KMT2D: variants seen among roughly 807,000 people sequenced by gnomAD.
The protein encoded by KMT2D is lysine methyltransferase 2D.
In KMT2D, 55 loss-of-function variants were observed where a neutral mutation model predicts 512.7. The ratio of observed to expected loss-of-function variants is 0.11; its 90% CI spans 0.09 to 0.13. KMT2D has a LOEUF of 0.13. Among genes scored for constraint, KMT2D ranks in the 10% least tolerant of loss-of-function variants. KMT2D has a pLI of 1.00. For synonymous variants in KMT2D, 2,995 were observed against 2,904.0 expected (o/e 1.03, Z -1.01); for missense variants, 6,061 against 7,127.9 (o/e 0.85, Z 5.39).
In KMT2D at chr12:49,038,162, A is replaced by G. The variant is rs1381757467; in HGVS notation, c.9194T>C (p.Ile3065Thr). The G allele has an allele frequency of 6.2e-7, 1 of 1,613,756 alleles. No homozygotes were observed. The highest frequency in any genetic ancestry group is 8.5e-7 in the Non-Finnish European group (1 of 1,179,892). ...PELDTGDKKD[I>T]FNEHLRLVES... is the part of the protein sequence containing the mutation. ...TACCAGCCTCAGGTGCTCATTGAAG[A>G]TATCCTTCTTGTCCCCAGTGTCCAG... is the stretch of plus-strand genomic sequence containing the variant. Residue 3065 changes from isoleucine to threonine, a missense_variant, in exon 35 of 55, where the codon ATC becomes ACC. By Grantham distance (89) the Ile-to-Thr change is moderately conservative. This residue lies in a region of KMT2D where 21 missense variants were observed against 74.3 expected (regional missense o/e 0.28). Coordinates refer to ENST00000301067, the MANE Select transcript of KMT2D (RefSeq NM_003482.4). This position sits in a 1 kb window ranked among gnomAD's most constrained non-coding sequence, Gnocchi z 5.7.
rs762896655 is a variant in KMT2D at position 49,026,744 on chromosome 12, G to A, written c.15222C>T (p.Gly5074=). The A allele has an allele frequency of 8.1e-5, 131 of 1,613,706 alleles. No individual in the cohort carries two copies. Among genetic ancestry groups the A allele is most frequent in the African/African-American group, 1.2e-4 (9 of 75,052 alleles). Residue 5074 remains glycine, a synonymous_variant, in exon 49 of 55, where the codon GGC becomes GGT. Coordinates refer to ENST00000301067, the MANE Select transcript of KMT2D (RefSeq NM_003482.4). This position sits in a 1 kb window ranked among gnomAD's most constrained non-coding sequence, Gnocchi z 9.6. ...LWSTEVYETQ[G]GALMNVEVAL... is the part of the protein sequence containing the mutation. ...CAACCTCCACATTCATCAGTGCCCC[G>A]CCCTGGGTCTCATACACCTCCGTGG...
At position 49,031,849 on chromosome 12, in the gene KMT2D, G is replaced by A. The variant is rs2120425749; in HGVS notation, c.12856C>T (p.Pro4286Ser). 1.3e-6 allele frequency: 2 copies of A among 1,546,988 alleles called. No individual in the cohort carries two copies. The highest frequency in any genetic ancestry group is 1.4e-5 in the African/African-American group (1 of 72,856). ...CCTGGTGGGGCAGGGAGCCGGGGTG[G>A]GCCCTGAGGTCGAGGCCCTGCCCCT... is the stretch of plus-strand genomic sequence containing the variant. ...ELGAGPRPQGPPRLPAPPGAL... is the reference protein window; with the variant it reads ...ELGAGPRPQGSPRLPAPPGAL... The change falls in exon 40 of 55, where the codon CCA becomes TCA. Residue 4286 changes from proline to serine, a missense_variant. Coordinates refer to ENST00000301067, the MANE Select transcript of KMT2D (RefSeq NM_003482.4).
Position 49,051,573 on chromosome 12 carries a change from C to A in KMT2D, c.2110G>T (p.Asp704Tyr), listed in dbSNP as rs761977604. 51 of 1,604,428 alleles carry A rather than the reference C, an allele frequency of 3.2e-5. No homozygotes were observed. The highest frequency in any genetic ancestry group is 4.3e-5 in the Non-Finnish European group (51 of 1,174,002). The change falls in exon 11 of 55, where the codon GAC becomes TAC. Residue 704 changes from aspartate (D) to tyrosine (Y), a missense_variant. Around this residue, in one of 16 missense-constraint regions of KMT2D, gnomAD observed 848 missense variants for 838.5 expected, o/e 1.01. Coordinates refer to ENST00000301067, the MANE Select transcript of KMT2D (RefSeq NM_003482.4). ...EDSPTSPPPE[D>Y]SPASPPPEDS... Reference sequence around the variant, plus strand: ...TCCGGTGGTGGGGAAGCAGGTGAGTCCTCAGGTGGTGGGGATGTGGGGGAG... The same window carrying A: ...TCCGGTGGTGGGGAAGCAGGTGAGTACTCAGGTGGTGGGGATGTGGGGGAG...
chr12:49,043,812 C>T (rs2120573618), intron 23 of KMT2D, 30 bp from the exon 24 acceptor site: 1 of 1,613,232 alleles, frequency 6.2e-7, no homozygotes, highest in Non-Finnish European at 8.5e-7. Context: ...AAACAGTTTT[C>T]TTCATGCCCT....
chr12:49,029,405 C>T lies in KMT2D; in HGVS notation c.14071G>A (p.Val4691Ile), dbSNP rs762462902. The change falls in exon 44 of 55, where the codon GTC becomes ATC. Residue 4691 changes from valine (V) to isoleucine (I), a missense_variant. This residue lies in a region of KMT2D where 1,600 missense variants were observed against 1,754.9 expected (regional missense o/e 0.91). Coordinates refer to ENST00000301067, the MANE Select transcript of KMT2D (RefSeq NM_003482.4). ...CATTTCTGGCCCCGCCCCTACCTGA[C>T]ATCCTCAGTCTGATTGTGAGGGGGT... is the stretch of plus-strand genomic sequence containing the variant. ...PTPPHNQTED[V>I]RMESDEDSDS... The T allele has an allele frequency of 5.8e-6, 9 of 1,557,374 alleles. No homozygotes were observed. In the Admixed American group the frequency reaches 9.7e-5, roughly 17 times the overall value.
chr12:49,045,439 C>G (rs908013415), intron 19 of KMT2D, among the ~76,000 whole-genome samples: 1 of 152,068 alleles, frequency 6.6e-6, no homozygotes, highest in Non-Finnish European at 1.5e-5. Context: ...GTCCGGAGAT[C>G]GAGACCATCC....
At chr12:49,052,835 C>G in intron 9 of KMT2D, 80 bp downstream of exon 9, 2 of 1,594,484 alleles carry the variant, frequency 1.3e-6, no homozygotes, top group Non-Finnish European at 1.7e-6. Flanking sequence ...CTCTCAAAGT[C>G]CACTCAATTT....
Position 49,051,183 on chromosome 12 carries a change from A to G in KMT2D, c.2500T>C (p.Ser834Pro), listed in dbSNP as rs2120664910. Residue 834 changes from serine (S) to proline (P), a missense_variant, in exon 11 of 55, where the codon TCC becomes CCC. By Grantham distance (74) the Ser-to-Pro change is moderately conservative. Around this residue, in one of 16 missense-constraint regions of KMT2D, gnomAD observed 848 missense variants for 838.5 expected, o/e 1.01. Transcript: ENST00000301067. The stretch of plus-strand genomic sequence containing the variant: ...AGGCATGGCTCCTCAGACTGGGGGG[A>G]CAGGTGTGATTCCTCAGGTTGGGGG... ...LSPQPEESHLSPQSEEPCLSP... is the reference protein window; with the variant it reads ...LSPQPEESHLPPQSEEPCLSP... 6.6e-7 allele frequency: 1 copy of G among 1,508,962 alleles called. No homozygotes were observed. Among genetic ancestry groups the G allele is most frequent in the Non-Finnish European group, 8.9e-7 (1 of 1,124,302 alleles). 93.5% of individuals were successfully genotyped at this position (1,508,962 alleles called of 1,614,324 possible). A position where few individuals can be genotyped will look rare whatever the true frequency, so the allele number is the denominator to read the frequency against.
rs376217891 is a variant in KMT2D, at chr12:49,031,741, G to T, written c.12964C>A (p.Gln4322Lys). 1.5e-5 allele frequency: 25 copies of T among 1,613,240 alleles called. No homozygotes were observed. Among genetic ancestry groups the T allele is most frequent in the Non-Finnish European group, 2.1e-5 (25 of 1,179,594 alleles). The change falls in exon 40 of 55, where the codon CAA becomes AAA. Residue 4322 changes from glutamine to lysine, a missense_variant. By Grantham distance (53) the Gln-to-Lys change is moderately conservative (BLOSUM62 1). Around this residue, in one of 16 missense-constraint regions of KMT2D, gnomAD observed 1,600 missense variants for 1,754.9 expected, o/e 0.91. Coordinates refer to ENST00000301067, the MANE Select transcript of KMT2D (RefSeq NM_003482.4). ...AGCTGGGAGCTGGGGGAAGGTAATT[G>T]TGAAGGTCTCTTTGGCTCTTGAGGG... Reference protein sequence around the residue: ...SSPQEPKRPSQLPSPSSQLPT... With the variant: ...SSPQEPKRPSKLPSPSSQLPT...
In KMT2D at chr12:49,041,486, C is replaced by T. The variant is rs374216845; in HGVS notation, c.6284G>A (p.Arg2095His). 46 of 1,613,460 alleles carry T rather than the reference C, an allele frequency of 2.9e-5. No homozygotes were observed. Among genetic ancestry groups the T allele is most frequent in the Middle Eastern group, 1.6e-4 (1 of 6,080 alleles). ...NKQTKVGDIA[R>H]KTDRPALHLR... Reference sequence around the variant, plus strand: ...ATGTAGGGCCGGTCGGTCAGTCTTACGGGCTATGTCGCCCACCTTGGTCTG... The same window carrying T: ...ATGTAGGGCCGGTCGGTCAGTCTTATGGGCTATGTCGCCCACCTTGGTCTG... Residue 2095 changes from arginine (R) to histidine (H), a missense_variant, in exon 32 of 55, where the codon CGT (arginine) becomes CAT (histidine). Physicochemically the swap from Arg to His is conservative, Grantham distance 29. Transcript: ENST00000301067. This position sits in a 1 kb window ranked among gnomAD's most constrained non-coding sequence, Gnocchi z 5.4.
rs529702193 is a variant in KMT2D, at chr12:49,051,774, G to T, written c.1909C>A (p.Pro637Thr). ...GACATAGGTGATTCTTCAGGTGGTG[G>T]GGACATAGGCGAGTCCTCAGGTGGT... ...SPPPEDSPMS[P>T]PPEESPMSPP... The change falls in exon 11 of 55, where the codon CCA (proline) becomes ACA (threonine). Residue 637 changes from proline (P) to threonine (T), a missense_variant. Pro to Thr is a conservative substitution (Grantham distance 38). Coordinates refer to ENST00000301067, the MANE Select transcript of KMT2D (RefSeq NM_003482.4). The T allele has an allele frequency of 7.4e-6, 12 of 1,611,148 alleles. No homozygotes were observed. Among genetic ancestry groups the T allele is most frequent in the Admixed American group, 3.3e-5 (2 of 59,956 alleles).
chr12:49,057,917 G>A (rs1372318376), intron 1 of KMT2D, among the ~76,000 whole-genome samples: 4 of 152,118 alleles, frequency 2.6e-5, no homozygotes, highest in African/African-American at 9.7e-5. Context: ...TACCTAAGAG[G>A]TCCAAAACAG....
At chr12:49,045,566 C>T (rs1184524971) in intron 19 of KMT2D, among the ~76,000 whole-genome samples, 1 of 151,690 alleles carries the variant, frequency 6.6e-6, no homozygotes, top group East Asian at 1.9e-4. Flanking sequence ...ATGGCGTGAA[C>T]CCGGGAGGCA....
In KMT2D at chr12:49,044,504, T is replaced by C; in HGVS notation, c.4982A>G (p.Glu1661Gly). Residue 1661 changes from glutamate (E) to glycine (G), a missense_variant, in exon 21 of 55, where the codon GAG becomes GGG. Physicochemically the swap from Glu to Gly is moderately conservative, Grantham distance 98. Coordinates refer to ENST00000301067, the MANE Select transcript of KMT2D (RefSeq NM_003482.4). The surrounding 1 kb of genome is among the most constrained non-coding windows in gnomAD (Gnocchi z 6.4). The stretch of plus-strand genomic sequence containing the variant: ...GGGGCCCTCCAGTTTAATTTCGCAC[T>C]CCATGTGCTCCACACCACCTGCGTA... ...LKGEGGVEHM[E>G]CEIKLEGPVS... The C allele has an allele frequency of 1.2e-6, 2 of 1,613,914 alleles. No homozygotes were observed. Among genetic ancestry groups the C allele is most frequent in the Non-Finnish European group, 1.7e-6 (2 of 1,179,852 alleles).
chr12:49,030,515 G>A (rs910212929), intron 42 of KMT2D, 76 bp from the exon 43 acceptor site: 55 of 1,453,582 alleles, frequency 3.8e-5, no homozygotes, highest in South Asian at 8.1e-5. Context: ...CCCACTCTAC[G>A]TCAGCAATTC....
At position 49,029,440 on chromosome 12, in the gene KMT2D, G is replaced by A. The variant is rs2120398012; in HGVS notation, c.14036C>T (p.Ala4679Val). 6.4e-7 allele frequency: 1 copy of A among 1,557,486 alleles called. No homozygotes were observed. The part of the protein sequence containing the change: ...SEVKSLDLLA[A>V]LPTPPHNQTE... ...CTGATTGTGAGGGGGTGTAGGCAAG[G>A]CAGCCAGCAGGTCTAGACTCTTCAC... Residue 4679 changes from alanine (A) to valine (V), a missense_variant, in exon 44 of 55, where the codon GCC (alanine) becomes GTC (valine). Coordinates refer to ENST00000301067, the MANE Select transcript of KMT2D (RefSeq NM_003482.4).
chr12:49,028,753 TC>T, intron 46 of KMT2D, 74 bp downstream of exon 46: 6 of 1,580,860 alleles, frequency 3.8e-6, no homozygotes, highest in Middle Eastern at 2.2e-4. Context: ...ACTACATTTT[TC>T]CTTATCCAGA....
In KMT2D at chr12:49,031,769, G is replaced by C; in HGVS notation, c.12936C>G (p.Ser4312=). ...LGPVHPTPPP[S]SPQEPKRPSQ... is the part of the protein sequence containing the mutation. ...AAGGTCTCTTTGGCTCTTGAGGGCT[G>C]GATGGTGGAGGTGTGGGATGGACAG... The change falls in exon 40 of 55, where the codon TCC becomes TCG. Residue 4312 remains serine, a synonymous_variant. Coordinates refer to ENST00000301067, the MANE Select transcript of KMT2D (RefSeq NM_003482.4). The C allele has an allele frequency of 6.2e-7, 1 of 1,611,798 alleles. No homozygotes were observed. Among genetic ancestry groups the C allele is most frequent in the East Asian group, 2.2e-5 (1 of 44,830 alleles).
At chr12:49,045,371 G>A (rs951823525) in intron 19 of KMT2D, among the ~76,000 whole-genome samples, 23 of 152,148 alleles carry the variant, frequency 1.5e-4, no homozygotes, top group African/African-American at 5.3e-4. Flanking sequence ...TCAGCCGGGC[G>A]CGGTGCTCAT....
Sources: allele counts gnomAD v4.1 joint callset (sites outside exome capture counted in the v4.1 genomes callset), GRCh38; gene constraint gnomAD v4.1.1; regional missense constraint gnomAD v4.1.1; non-coding constraint Gnocchi (gnomAD v3.1); transcripts MANE v1.5; gene names NCBI Gene and HGNC (gene_info 2026-07-23, HGNC 2026-07-21).